CACNA1B: variants seen among roughly 807,000 people sequenced by gnomAD.
CACNA1B encodes calcium voltage-gated channel subunit alpha1 B.
Under a neutral mutation model 247.2 loss-of-function variants are expected in CACNA1B, and 70 were observed. The ratio of observed to expected loss-of-function variants is 0.28; its 90% CI spans 0.23 to 0.35. CACNA1B has a LOEUF of 0.35. Among genes scored for constraint, CACNA1B ranks in the 10% least tolerant of loss-of-function variants. The pLI is 1.00. For synonymous variants in CACNA1B, 1,231 were observed against 1,294.4 expected (o/e 0.95, Z 1.05); for missense variants, 2,367 against 3,197.4 (o/e 0.74, Z 6.26).
chr9:137,929,791 C>A (rs979057982), intron 6 of CACNA1B, among the ~76,000 whole-genome samples: 7 of 151,816 alleles, frequency 4.6e-5, no homozygotes, highest in African/African-American at 1.7e-4. Flanking sequence ...GTAGCCAAGA[C>A]CACAGGTGCA....
intron 6 of CACNA1B, among the ~76,000 whole-genome samples, chr9:137,930,441 G>T (rs1374078856): frequency 1.3e-5 from 2 of 152,192 alleles, no homozygotes; most frequent in Non-Finnish European, 2.9e-5. Context: ...TGATTCTATT[G>T]TGGTGGGAGA....
chr9:137,905,326 C>G (rs1957286349), intron 3 of CACNA1B, among the ~76,000 whole-genome samples: 1 of 149,008 alleles, frequency 6.7e-6, no homozygotes, highest in African/African-American at 2.5e-5. Context: ...GCACTCCAGC[C>G]TGGGTGACAG....
chr9:137,926,629 T>C (rs781350344), intron 6 of CACNA1B, among the ~76,000 whole-genome samples: 16 of 152,240 alleles, frequency 1.1e-4, no homozygotes, highest in Non-Finnish European at 1.6e-4. Flanking sequence ...ACAATAGTTG[T>C]ACCATTTGAC....
chr9:137,897,809 AGCTGGGACTATAG>A (rs1465609113), intron 3 of CACNA1B, among the ~76,000 whole-genome samples: 1 of 151,912 alleles, frequency 6.6e-6, no homozygotes, highest in Non-Finnish European at 1.5e-5. Flanking sequence ...CCTCCCGAGT[AGCTGGGACTATAG>A]GCACCCACCA....
At chr9:138,028,448 A>C (rs946064713) in intron 20 of CACNA1B, among the ~76,000 whole-genome samples, 1 of 152,238 alleles carries the variant, frequency 6.6e-6, no homozygotes, top group Non-Finnish European at 1.5e-5. Flanking sequence ...TAGAACATAA[A>C]ATGCTTCACA....
chr9:137,895,845 C>T (rs1411245242), intron 3 of CACNA1B, among the ~76,000 whole-genome samples: 1 of 152,184 alleles, frequency 6.6e-6, no homozygotes, highest in Non-Finnish European at 1.5e-5. Flanking sequence ...ATTGCATTTA[C>T]TAGAACTTCT....
intron 10 of CACNA1B, among the ~76,000 whole-genome samples, chr9:137,959,281 C>T (rs1003835873): frequency 2.0e-5 from 3 of 152,180 alleles, no homozygotes; most frequent in African/African-American, 7.2e-5. Flanking sequence ...CCGTGTTGGC[C>T]TGGCTGTTCT....
intron 6 of CACNA1B, among the ~76,000 whole-genome samples, chr9:137,948,272 C>T (rs560898105): frequency 7.2e-5 from 11 of 152,310 alleles, no homozygotes; most frequent in Admixed American, 3.3e-4. Context: ...TGAGCCACCA[C>T]GCCTGGCCGT....
intron 15 of CACNA1B, among the ~76,000 whole-genome samples, chr9:137,995,198 G>T (rs1449730227): frequency 7.2e-6 from 1 of 138,334 alleles, no homozygotes; most frequent in Non-Finnish European, 1.5e-5. Flanking sequence ...GGTGACAAGA[G>T]TGAGACTCCG....
intron 31 of CACNA1B, among the ~76,000 whole-genome samples, chr9:138,062,412 G>A (rs1366989174): frequency 6.6e-6 from 1 of 152,200 alleles, no homozygotes; most frequent in Non-Finnish European, 1.5e-5. Context: ...GTCAACAGAG[G>A]TGCGTGTCAT....
intron 3 of CACNA1B, among the ~76,000 whole-genome samples, chr9:137,896,696 G>A (rs972859662): frequency 8.5e-5 from 13 of 152,166 alleles, no homozygotes; most frequent in Admixed American, 2.0e-4. Flanking sequence ...GTGTGAAAAC[G>A]GAATTAGTTC....
In CACNA1B at chr9:138,000,162, G is replaced by A. The variant is rs113118007; in HGVS notation, c.1975-6605G>A. Among the ~76,000 whole-genome samples, 30 of 150,218 alleles carry A rather than the reference G, an allele frequency of 2.0e-4. No homozygotes were observed. The South Asian group carries it at 2.7e-3, about 14-fold the overall frequency. ...CGCCCAGGCTGGAGTGCAGTGGTGC[G>A]ATCTCGGCTCACTGCAAGCTCCGCC... On this transcript the variant is annotated intron_variant, in intron 15 of 46. Coordinates refer to ENST00000371372, the MANE Select transcript of CACNA1B (RefSeq NM_000718.4).
rs139444075 is a variant in CACNA1B, at chr9:138,073,114, G to A, written c.4675-374G>A. Among the ~76,000 whole-genome samples, 50 of 152,310 alleles carry A rather than the reference G, an allele frequency of 3.3e-4. No individual in the cohort carries two copies. Among genetic ancestry groups the A allele is most frequent in the African/African-American group, 1.2e-3 (49 of 41,572 alleles). ...TGCCCAGCACGTGGCCAGCTTGACC[G>A]TGTCCTGCAAGAGGTGGTCACTGCT... On this transcript the variant is annotated intron_variant, in intron 32 of 46. Coordinates refer to ENST00000371372, the MANE Select transcript of CACNA1B (RefSeq NM_000718.4). The surrounding 1 kb of genome is among the most constrained non-coding windows in gnomAD (Gnocchi z 6.4).
intron 1 of CACNA1B, 67 bp from the exon 2 acceptor site, chr9:137,878,987 C>G: frequency 1.0e-6 from 1 of 1,002,602 alleles, no homozygotes; most frequent in Non-Finnish European, 1.5e-6. Flanking sequence ...CTGCACTGGG[C>G]TCTGCTGGCG....
chr9:138,079,800 G>A (rs868483987), intron 36 of CACNA1B, among the ~76,000 whole-genome samples: 46 of 149,528 alleles, frequency 3.1e-4, no homozygotes, highest in African/African-American at 1.1e-3. Context: ...GCTAGAACCC[G>A]GGAGGTGGAG....
rs1961272862 is a variant in CACNA1B at position 138,102,111 on chromosome 9, G to C, written c.5223-600G>C. ...CTCGGGCGTCTCTGGGCTTGAAGCAGGACTTGCCCCAAGGTTAGGTTTTGG... is the reference window on the plus strand; with the variant it reads ...CTCGGGCGTCTCTGGGCTTGAAGCACGACTTGCCCCAAGGTTAGGTTTTGG... On this transcript the variant is annotated intron_variant, in intron 37 of 46. Coordinates refer to ENST00000371372, the MANE Select transcript of CACNA1B (RefSeq NM_000718.4). This position sits in a 1 kb window ranked among gnomAD's most constrained non-coding sequence, Gnocchi z 5.4. 6.6e-6 allele frequency among the ~76,000 whole-genome samples: 1 copy of C among 152,218 alleles called. No individual in the cohort carries two copies. Among genetic ancestry groups the C allele is most frequent in the African/African-American group, 2.4e-5 (1 of 41,462 alleles).
chr9:138,094,427 G>A (rs1394634546), intron 36 of CACNA1B, among the ~76,000 whole-genome samples: 6 of 104,822 alleles, frequency 5.7e-5, no homozygotes, highest in African/African-American at 2.0e-4. Context: ...TTTTTGTTAT[G>A]TATCTTTACT....
intron 6 of CACNA1B, among the ~76,000 whole-genome samples, chr9:137,922,944 G>GC (rs1429620577): frequency 3.9e-5 from 6 of 151,990 alleles, no homozygotes; most frequent in Admixed American, 2.6e-4. Flanking sequence ...TCCTGCCCTC[G>GC]CCCCCTCCTT....
chr9:138,111,543 G>A (rs1477618009), intron 39 of CACNA1B, among the ~76,000 whole-genome samples: 1 of 152,190 alleles, frequency 6.6e-6, no homozygotes, highest in East Asian at 1.9e-4. Flanking sequence ...GTGATCAGCT[G>A]TTGCACACCT....
Sources: allele counts gnomAD v4.1 joint callset (sites outside exome capture counted in the v4.1 genomes callset), GRCh38; gene constraint gnomAD v4.1.1; non-coding constraint Gnocchi (gnomAD v3.1); transcripts MANE v1.5; gene names NCBI Gene and HGNC (gene_info 2026-07-23, HGNC 2026-07-21).